ZDHHC17: variants seen among roughly 807,000 people sequenced by gnomAD.
ZDHHC17 encodes the protein palmitoyltransferase ZDHHC17.
In ZDHHC17, 40 loss-of-function variants were observed where a neutral mutation model predicts 90.3. The ratio of observed to expected loss-of-function variants is 0.44; its 90% CI spans 0.34 to 0.58. ZDHHC17 has a LOEUF of 0.58. Among genes scored for constraint, ZDHHC17 ranks in the 20% least tolerant of loss-of-function variants. The probability of loss-of-function intolerance (pLI) is 0.01; values close to 1 mark genes in which losing one functional copy is unlikely to be tolerated. For missense variants in ZDHHC17, 614 were observed against 780.8 expected (o/e 0.79, Z 2.55); for synonymous variants, 235 against 252.4 (o/e 0.93, Z 0.65).
At chr12:76,766,999 A>C (rs1056505898) in intron 1 of ZDHHC17, among the ~76,000 whole-genome samples, 1 of 150,900 alleles carries the variant, frequency 6.6e-6, no homozygotes, top group African/African-American at 2.5e-5. Flanking sequence ...ATCCTGGGTG[A>C]CAGAGCAAGA....
rs753754329 is a variant in ZDHHC17 at position 76,822,577 on chromosome 12, G to A, written c.897+46G>A. On this transcript the variant is annotated intron_variant, in intron 8 of 16. Transcript: ENST00000426126. ...TTTTTTTTTTTTTTTTTTTTGAGAC[G>A]GAGTTTCGCTCTTGTTGCCCAGGCT... The A allele has an allele frequency of 7.7e-5, 107 of 1,386,966 alleles. No homozygotes were observed. In the African/African-American group the frequency reaches 9.6e-4, roughly 12 times the overall value. 85.9% of individuals were successfully genotyped at this position (1,386,966 alleles called of 1,614,324 possible). A position where few individuals can be genotyped will look rare whatever the true frequency, so the allele number is the denominator to read the frequency against.
chr12:76,819,739 G>A (rs540373618), intron 7 of ZDHHC17, among the ~76,000 whole-genome samples: 1 of 152,286 alleles, frequency 6.6e-6, no homozygotes, highest in African/African-American at 2.4e-5. Context: ...GCTCATGCCT[G>A]TAATCCCAGC....
intron 10 of ZDHHC17, among the ~76,000 whole-genome samples, chr12:76,837,236 G>C (rs1049335818): frequency 6.6e-6 from 1 of 152,142 alleles, no homozygotes; most frequent in African/African-American, 2.4e-5. Context: ...CCCAGGTTCA[G>C]GTGGCTCTTG....
chr12:76,816,605 G>C (rs1209329783), intron 7 of ZDHHC17, among the ~76,000 whole-genome samples: 1 of 151,900 alleles, frequency 6.6e-6, no homozygotes. Context: ...AAATTTCTAA[G>C]GGATATGTGC....
At chr12:76,785,331 A>G (rs909821858) in intron 1 of ZDHHC17, among the ~76,000 whole-genome samples, 1 of 152,162 alleles carries the variant, frequency 6.6e-6, no homozygotes. Flanking sequence ...AGTGAAGTTT[A>G]TATTTTTAAT....
rs919566333 is a variant in ZDHHC17, at chr12:76,846,402, T to G, written c.1424-194T>G. 35 of 556,758 alleles carry G rather than the reference T, an allele frequency of 6.3e-5. No homozygotes were observed. In the African/African-American group the frequency reaches 6.4e-4, roughly 10 times the overall value. The allele number at this position is 556,758 out of a possible 1,614,324, so 34.5% of individuals were successfully genotyped here. ...AACACCATTGTCATCATTATATCTTTGTGTGTAATTGCAAGCATTCTTATT... is the reference window on the plus strand; with the variant it reads ...AACACCATTGTCATCATTATATCTTGGTGTGTAATTGCAAGCATTCTTATT... On this transcript the variant is annotated intron_variant, in intron 13 of 16. Transcript: ENST00000426126.
chr12:76,795,192 T>C (rs548891284), intron 1 of ZDHHC17, among the ~76,000 whole-genome samples: 2 of 152,044 alleles, frequency 1.3e-5, no homozygotes, highest in African/African-American at 4.8e-5. Flanking sequence ...TGTCTCTGTT[T>C]TAAAATGTTG....
chr12:76,790,967 T>C (rs1002591176), intron 1 of ZDHHC17, among the ~76,000 whole-genome samples: 1 of 152,190 alleles, frequency 6.6e-6, no homozygotes, highest in Admixed American at 6.5e-5. Context: ...ATTTTTAATG[T>C]TCTCAACACA....
chr12:76,811,373 T>G (rs1347809299), intron 5 of ZDHHC17, among the ~76,000 whole-genome samples: 1 of 151,228 alleles, frequency 6.6e-6, no homozygotes, highest in Admixed American at 6.6e-5. Flanking sequence ...ACAATACACA[T>G]TCACTTTTTT....
chr12:76,837,925 TTA>T (rs1953388444), intron 10 of ZDHHC17, among the ~76,000 whole-genome samples: 1 of 152,170 alleles, frequency 6.6e-6, no homozygotes, highest in Admixed American at 6.5e-5. Context: ...GTAGCTGGAA[TTA>T]TAGGTGCATG....
intron 7 of ZDHHC17, among the ~76,000 whole-genome samples, chr12:76,819,509 C>T (rs979723634): frequency 1.4e-4 from 21 of 152,134 alleles, no homozygotes; most frequent in Non-Finnish European, 7.4e-5. Context: ...TGAAAAATTA[C>T]GCTTTGTGTT....
chr12:76,844,969 A>T (rs1477338713), intron 12 of ZDHHC17: 1 of 152,144 alleles, frequency 6.6e-6, no homozygotes, highest in African/African-American at 2.4e-5. Context: ...AAACCATTTC[A>T]AAATGCTTGA....
chr12:76,836,146 CTT>C (rs1018234333), intron 10 of ZDHHC17, among the ~76,000 whole-genome samples: 3 of 151,440 alleles, frequency 2.0e-5, no homozygotes, highest in African/African-American at 2.4e-5. Flanking sequence ...TTTGTATTGT[CTT>C]TGTTATGTTT....
At chr12:76,844,964 A>G (rs1953476446) in intron 12 of ZDHHC17, 1 of 152,132 alleles carries the variant, frequency 6.6e-6, no homozygotes, top group African/African-American at 2.4e-5. Context: ...TTTAAAAACC[A>G]TTTCAAAATG....
At chr12:76,829,961 G>A (rs1387030851) in intron 10 of ZDHHC17, among the ~76,000 whole-genome samples, 2 of 152,100 alleles carry the variant, frequency 1.3e-5, no homozygotes, top group Non-Finnish European at 2.9e-5. Flanking sequence ...CCAAGCAGCT[G>A]GGACTACAGG....
rs1460393931 is a variant in ZDHHC17, at chr12:76,852,139, C to T, written c.*1154C>T. ...TTTTCTTTTTGTTAAATGTGATGCA[C>T]TGATCAATTTTTGTCACAGCATTTT... On this transcript the variant is annotated 3_prime_UTR_variant, in exon 17 of 17. Transcript: ENST00000426126. The T allele has an allele frequency of 6.6e-6, 1 of 152,606 alleles. No individual in the cohort carries two copies. Among genetic ancestry groups the T allele is most frequent in the African/African-American group, 2.4e-5 (1 of 41,428 alleles). 9.5% of individuals were successfully genotyped at this position (152,606 alleles called of 1,614,324 possible).
chr12:76,849,407 G>A lies in ZDHHC17; in HGVS notation c.1697G>A (p.Arg566Lys). ...TGTTTAGGTATTACTACAAATGAAA[G>A]AATGAATGCCAGGAGATACAAGCAC... ...ISCLGITTNE[R>K]MNARRYKHFK... is the part of the protein sequence containing the mutation. Residue 566 changes from arginine to lysine, a missense_variant, in exon 16 of 17, where the codon AGA (arginine) becomes AAA (lysine). Coordinates refer to ENST00000426126, the MANE Select transcript of ZDHHC17 (RefSeq NM_015336.4). 1.3e-6 allele frequency: 2 copies of A among 1,541,798 alleles called. No individual in the cohort carries two copies. Among genetic ancestry groups the A allele is most frequent in the Non-Finnish European group, 1.8e-6 (2 of 1,140,890 alleles).
At chr12:76,821,147 C>T (rs1953159133) in intron 7 of ZDHHC17, 1 of 1,280,314 alleles carries the variant, frequency 7.8e-7, no homozygotes, top group Non-Finnish European at 1.0e-6. Context: ...AGTTGTTACC[C>T]AAGGGATTGC....
At position 76,826,984 on chromosome 12, in the gene ZDHHC17, T is replaced by C. The variant is rs775237979; in HGVS notation, c.974T>C (p.Ile325Thr). 7 of 1,558,954 alleles carry C rather than the reference T, an allele frequency of 4.5e-6. No individual in the cohort carries two copies. The highest frequency in any genetic ancestry group is 1.3e-5 in the South Asian group (1 of 79,454). ...GTTGGGTTTATAGCAGACCTAAATA[T>C]TGATTCTTGGCTCATTAAAGGGCTA... ...WLVGFIADLN[I>T]DSWLIKGLMY... Residue 325 changes from isoleucine to threonine, a missense_variant, in exon 9 of 17, where the codon ATT becomes ACT. Ile to Thr is a moderately conservative substitution (Grantham distance 89). Around this residue, in one of 5 missense-constraint regions of ZDHHC17, gnomAD observed 117 missense variants for 183.6 expected, o/e 0.64. Coordinates refer to ENST00000426126, the MANE Select transcript of ZDHHC17 (RefSeq NM_015336.4).
Sources: gnomAD v4.1 joint callset for allele counts (sites outside exome capture counted in the v4.1 genomes callset) on GRCh38, gnomAD v4.1.1 for gene constraint, gnomAD v4.1.1 regional missense constraint, MANE v1.5 for transcripts, NCBI Gene and HGNC (gene_info 2026-07-23, HGNC 2026-07-21) for gene names.